Variants in CACNA1A observed in about 807,000 individuals in gnomAD.
CACNA1A encodes voltage-dependent P/Q-type calcium channel subunit alpha-1A.
A neutral mutation model predicts 262.4 loss-of-function variants in CACNA1A; 57 were observed. That is an observed-to-expected ratio of 0.22 (90% CI 0.18 to 0.27). The LOEUF (loss-of-function observed/expected upper bound fraction) is 0.27, where lower values mean the gene tolerates loss of function less well. CACNA1A is among the 10% of genes least tolerant of loss of function. The pLI is 1.00. For missense variants in CACNA1A, 2,526 were observed against 3,562.8 expected, an observed-to-expected ratio of 0.71 and a Z score of 7.41; for synonymous variants, 1,431 against 1,419.3, an observed-to-expected ratio of 1.01 and a Z score of -0.18.
At chr19:13,283,245 G>C (rs1319104860) in intron 22 of CACNA1A, 22 bp downstream of exon 22, 3 of 1,610,142 alleles carry the variant, frequency 1.9e-6, no homozygotes, top group African/African-American at 1.3e-5. Context: ...GGCTAGGAAG[G>C]GGTGTGCTCT....
Position 13,305,827 on chromosome 19 carries a change from C to T in CACNA1A, c.1987-1943G>A, listed in dbSNP as rs551435219. Among the ~76,000 whole-genome samples, 159 of 152,114 alleles carry T rather than the reference C, an allele frequency of 1.0e-3. 1 individual carries two copies. The highest frequency in any genetic ancestry group is 3.7e-3 in the African/African-American group (154 of 41,488). On this transcript the variant is annotated intron_variant, in intron 15 of 46. Transcript: ENST00000360228. ...CTGTAATCCCAGCACTTTGGGAGGC[C>T]GAGGCAGGCAGATCACGAGGCCAGG...
chr19:13,356,299 C>T (rs1291805137), intron 6 of CACNA1A, among the ~76,000 whole-genome samples: 2 of 152,170 alleles, frequency 1.3e-5, no homozygotes, highest in African/African-American at 4.8e-5. Flanking sequence ...CTTACTTAGT[C>T]CTCGTGCCTT....
chr19:13,213,905 C>T (rs1341698326), intron 40 of CACNA1A: 1 of 267,878 alleles, frequency 3.7e-6, no homozygotes, highest in African/African-American at 2.2e-5. Flanking sequence ...AGACTGGTCT[C>T]CCACTCCTGG....
chr19:13,436,301 C>T lies in CACNA1A; in HGVS notation c.539+16575G>A, dbSNP rs187275815. Reference sequence around the variant, plus strand: ...TTCTGAGGTTGGGGCTTTTTGAATTCCCTGTTTGCAAATAAGAGAGGAACC... The same window carrying T: ...TTCTGAGGTTGGGGCTTTTTGAATTTCCTGTTTGCAAATAAGAGAGGAACC... On this transcript the variant is annotated intron_variant, in intron 3 of 46. Coordinates refer to ENST00000360228, the MANE Select transcript of CACNA1A (RefSeq NM_001127222.2). 2.0e-3 allele frequency among the ~76,000 whole-genome samples: 305 copies of T among 152,254 alleles called. 1 individual carries two copies. The highest frequency in any genetic ancestry group is 0.01 in the Middle Eastern group (3 of 294).
At chr19:13,364,115 T>C (rs72620554) in intron 5 of CACNA1A, 15,981 of 152,192 alleles carry the variant, frequency 0.11, 1,509 homozygotes, top group African/African-American at 0.24. Flanking sequence ...ACCCAGCCAC[T>C]GAAGGGTTAA....
chr19:13,368,187 T>C (rs1177806098), intron 4 of CACNA1A, among the ~76,000 whole-genome samples: 5 of 152,182 alleles, frequency 3.3e-5, no homozygotes, highest in Admixed American at 3.3e-4. Flanking sequence ...TGGTGCTGTG[T>C]GCCTGGAGTC....
rs556266465 is a variant in CACNA1A, at chr19:13,286,524, G to T, written c.3532C>A (p.Leu1178Ile). The T allele has an allele frequency of 4.8e-6, 7 of 1,469,884 alleles. No homozygotes were observed. Among genetic ancestry groups the T allele is most frequent in the Middle Eastern group, 1.8e-4 (1 of 5,522 alleles). The allele number at this position is 1,469,884 out of a possible 1,614,324, so 91.1% of individuals were successfully genotyped here. ...TCACCTTGTACGACGGTGTGGTTGA[G>T]GGGGGGTGGGCAGGCTGGGGGGATG... ...VDIPPACPPPLNHTVVQVNKN... is the reference protein window; with the variant it reads ...VDIPPACPPPINHTVVQVNKN... The change falls in exon 20 of 47, where the codon CTC (leucine) becomes ATC (isoleucine). Residue 1178 changes from leucine to isoleucine, a missense_variant. Leu to Ile is a conservative substitution (Grantham distance 5, BLOSUM62 2). Coordinates refer to ENST00000360228, the MANE Select transcript of CACNA1A (RefSeq NM_001127222.2).
intron 1 of CACNA1A, among the ~76,000 whole-genome samples, chr19:13,500,095 GTCTGATAATC>G (rs1478414216): frequency 2.0e-5 from 3 of 152,184 alleles, no homozygotes; most frequent in Admixed American, 1.3e-4. Context: ...ACTTTCATTG[GTCTGATAATC>G]TCATGGACAG....
chr19:13,344,912 G>A (rs971247558), intron 6 of CACNA1A, among the ~76,000 whole-genome samples: 2 of 149,668 alleles, frequency 1.3e-5, no homozygotes, highest in Admixed American at 6.8e-5. Flanking sequence ...GCACCACCAC[G>A]CTCAGCTAAT....
intron 10 of CACNA1A, among the ~76,000 whole-genome samples, chr19:13,325,029 T>C (rs1322766897): frequency 1.5e-5 from 2 of 129,494 alleles, no homozygotes; most frequent in African/African-American, 5.7e-5. Context: ...CTTCGTCTTC[T>C]TCTTCCTCTT....
intron 6 of CACNA1A, among the ~76,000 whole-genome samples, chr19:13,349,582 T>C (rs1473232003): frequency 6.6e-6 from 1 of 152,204 alleles, no homozygotes; most frequent in Non-Finnish European, 1.5e-5. Flanking sequence ...AACAGTTTTG[T>C]TGCAGTACTC....
intron 5 of CACNA1A, chr19:13,364,170 T>G (rs2144516528): frequency 6.6e-6 from 1 of 152,356 alleles, no homozygotes; most frequent in African/African-American, 2.4e-5. Context: ...GAGTGCTAGG[T>G]TCTGATTGGT....
intron 32 of CACNA1A, 41 bp downstream of exon 32, chr19:13,235,573 G>A (rs2055845948): frequency 2.2e-6 from 3 of 1,380,168 alleles, no homozygotes; most frequent in Non-Finnish European, 3.1e-6. Context: ...AGGGTCACCT[G>A]TCTTCTCAGC....
At chr19:13,457,926 C>T (rs2061045295) in intron 1 of CACNA1A, among the ~76,000 whole-genome samples, 1 of 151,526 alleles carries the variant, frequency 6.6e-6, no homozygotes, top group African/African-American at 2.4e-5. Context: ...AACATTATGC[C>T]AAGCGAAAGA....
At chr19:13,478,388 ACT>A (rs1978824143) in intron 1 of CACNA1A, among the ~76,000 whole-genome samples, 1 of 151,928 alleles carries the variant, frequency 6.6e-6, no homozygotes. Context: ...GGACGCGATC[ACT>A]CACTGCGGTC....
intron 3 of CACNA1A, among the ~76,000 whole-genome samples, chr19:13,439,966 G>T (rs979378674): frequency 1.3e-5 from 2 of 152,006 alleles, no homozygotes; most frequent in Admixed American, 6.6e-5. Context: ...TTATTAGTTT[G>T]TTTTTTGAGA....
At chr19:13,464,192 A>T (rs1007045653) in intron 1 of CACNA1A, among the ~76,000 whole-genome samples, 2 of 152,228 alleles carry the variant, frequency 1.3e-5, no homozygotes, top group African/African-American at 2.4e-5. Flanking sequence ...GTTTGAGGAC[A>T]GCCTGGGCGA....
At chr19:13,254,336 C>T (rs1206393760) in intron 29 of CACNA1A, among the ~76,000 whole-genome samples, 2 of 151,752 alleles carry the variant, frequency 1.3e-5, no homozygotes, top group Non-Finnish European at 2.9e-5. Context: ...TCCTCACCTA[C>T]CCCTTCTCCC....
At chr19:13,262,536 AC>A in intron 25 of CACNA1A, 197 bp downstream of exon 25, 1 of 565,920 alleles carries the variant, frequency 1.8e-6, no homozygotes, top group Non-Finnish European at 3.2e-6. Context: ...CTGCCATAAT[AC>A]ACAGATTATT....
Sources: gnomAD v4.1 joint callset for allele counts (sites outside exome capture counted in the v4.1 genomes callset) on GRCh38, gnomAD v4.1.1 for gene constraint, MANE v1.5 for transcripts, NCBI Gene and HGNC (gene_info 2026-07-23, HGNC 2026-07-21) for gene names.